Variants in TENM2 observed in about 807,000 individuals in gnomAD.
TENM2 encodes the protein teneurin-2.
TENM2 carries 52 observed loss-of-function variants against 245.2 expected under a neutral mutation model. That is an observed-to-expected ratio of 0.21 (90% CI 0.17 to 0.27). TENM2 has a LOEUF of 0.27. TENM2 is among the 10% of genes least tolerant of loss of function. The probability of loss-of-function intolerance (pLI) is 1.00; values close to 1 mark genes in which losing one functional copy is unlikely to be tolerated. For missense variants in TENM2, 3,046 were observed against 3,666.8 expected, an observed-to-expected ratio of 0.83 and a Z score of 4.37; for synonymous variants, 1,363 against 1,438.9, an observed-to-expected ratio of 0.95 and a Z score of 1.19.
At chr5:167,557,118 C>T (rs1234356822) in intron 2 of TENM2, among the ~76,000 whole-genome samples, 5 of 152,144 alleles carry the variant, frequency 3.3e-5, no homozygotes, top group Non-Finnish European at 5.9e-5. Context: ...TGCGTGTACA[C>T]AGACCATTGG....
intron 2 of TENM2, among the ~76,000 whole-genome samples, chr5:167,678,799 T>A (rs1039384428): frequency 2.0e-5 from 3 of 152,132 alleles, no homozygotes; most frequent in African/African-American, 7.2e-5. Context: ...AAATCCGTAT[T>A]TTCTCTACCT....
chr5:167,915,269 C>T (rs546165452), intron 3 of TENM2, among the ~76,000 whole-genome samples: 4 of 152,106 alleles, frequency 2.6e-5, no homozygotes, highest in African/African-American at 4.8e-5. Flanking sequence ...CACAGCTAGA[C>T]GTGGTATTGT....
rs1582449906 is a variant in TENM2, at chr5:167,582,090, C to T, written c.502+206617C>T. 3.3e-5 allele frequency among the ~76,000 whole-genome samples: 5 copies of T among 152,212 alleles called. No individual in the cohort carries two copies. In the South Asian group the frequency reaches 8.3e-4, roughly 25 times the overall value. On this transcript the variant is annotated intron_variant, in intron 2 of 28. Transcript: ENST00000518659. ...AATCTTGTCCCAACTAAACATAAAT[C>T]TGGCTTTATGGAAAAACCAGGCTAG...
chr5:167,433,960 A>G lies in TENM2; in HGVS notation c.502+58487A>G, dbSNP rs375768333. Among the ~76,000 whole-genome samples, 254 of 152,342 alleles carry G rather than the reference A, an allele frequency of 1.7e-3. 15 individuals are homozygous for G. The South Asian group carries it at 0.051, about 30-fold the overall frequency. On this transcript the variant is annotated intron_variant, in intron 2 of 28. Coordinates refer to ENST00000518659, the Ensembl canonical transcript of TENM2. ...GATGTAACTACAAAATTATCAATGT[A>G]ACATATCTTTGTATTATCTTGTGTT...
At chr5:167,247,774 A>AAATTT in the TENM2 span, among the ~76,000 whole-genome samples, 1 of 152,156 alleles carries the variant, frequency 6.6e-6, no homozygotes, top group Non-Finnish European at 1.5e-5. Context: ...TTTTAATATG[A>AAATTT]AATTTAATTT....
intron 2 of TENM2, among the ~76,000 whole-genome samples, chr5:167,864,836 TAATACC>T (rs1179430884): frequency 6.6e-6 from 1 of 152,172 alleles, no homozygotes; most frequent in Non-Finnish European, 1.5e-5. Flanking sequence ...GGCTTGGAAA[TAATACC>T]TGGTACCTCA....
At chr5:167,383,503 A>T (rs1345939292) in intron 2 of TENM2, among the ~76,000 whole-genome samples, 3 of 152,062 alleles carry the variant, frequency 2.0e-5, no homozygotes, top group African/African-American at 7.2e-5. Flanking sequence ...CTGTCAGATA[A>T]ATATTTGACT....
chr5:168,211,063 C>T (rs1762770149), intron 19 of TENM2, among the ~76,000 whole-genome samples: 2 of 152,100 alleles, frequency 1.3e-5, no homozygotes, highest in South Asian at 2.1e-4. Flanking sequence ...CAATATTGGA[C>T]GTTACCTTTT....
At chr5:168,258,212 T>C (rs1767853182) in intron 27 of TENM2, among the ~76,000 whole-genome samples, 1 of 151,982 alleles carries the variant, frequency 6.6e-6, no homozygotes, top group South Asian at 2.1e-4. Context: ...AGTAAAAAAG[T>C]GGAAACAGGC....
chr5:168,045,876 G>T (rs945262600), intron 5 of TENM2, among the ~76,000 whole-genome samples: 1 of 152,150 alleles, frequency 6.6e-6, no homozygotes, highest in Non-Finnish European at 1.5e-5. Flanking sequence ...ATGGAATCTG[G>T]TCTCTTCAAG....
intron 2 of TENM2, among the ~76,000 whole-genome samples, chr5:167,388,853 T>C (rs573774631): frequency 5.2e-4 from 79 of 152,268 alleles, no homozygotes; most frequent in African/African-American, 1.8e-3. Context: ...TCCACTGTGG[T>C]CTGAAAGAGT....
chr5:168,246,829 G>A lies in TENM2; in HGVS notation c.5890G>A (p.Val1964Ile), dbSNP rs375183566. ...TGACTCCTCTGACCGCCTCCTTGCC[G>A]TCACCATGCCCAGCGTGGCCCGGCA... is the stretch of plus-strand genomic sequence containing the variant. The change falls in exon 27 of 29, where the codon GTC (valine) becomes ATC (isoleucine). Residue 1964 changes from valine (V) to isoleucine (I), a missense_variant. Physicochemically the swap from Val to Ile is conservative, Grantham distance 29. This residue lies in a region of TENM2 where 2,704 missense variants were observed against 3,331.9 expected (regional missense o/e 0.81). Coordinates refer to ENST00000518659, the Ensembl canonical transcript of TENM2. 171 of 1,613,836 alleles carry A rather than the reference G, an allele frequency of 1.1e-4. 2 individuals carry two copies. The highest frequency in any genetic ancestry group is 7.0e-4 in the South Asian group (64 of 91,064).
chr5:167,515,669 G>GTGTATATATACACATATATACGTATATA (rs1770322008), intron 2 of TENM2, among the ~76,000 whole-genome samples: 1 of 78,828 alleles, frequency 1.3e-5, no homozygotes, highest in Non-Finnish European at 2.5e-5. Flanking sequence ...ACGTATATAT[G>GTGTATATATACACATATATACGTATATA]TGTATATATA....
At chr5:167,425,428 G>C (rs1173578491) in intron 2 of TENM2, among the ~76,000 whole-genome samples, 1 of 152,086 alleles carries the variant, frequency 6.6e-6, no homozygotes, top group Admixed American at 6.6e-5. Flanking sequence ...ATGAGTTTGG[G>C]ATAACAAATA....
chr5:167,266,853 A>C, the TENM2 span, among the ~76,000 whole-genome samples: 1 of 152,202 alleles, frequency 6.6e-6, no homozygotes, highest in Non-Finnish European at 1.5e-5. Flanking sequence ...TGAAATGTGA[A>C]TGTGCCATGC....
intron 9 of TENM2, among the ~76,000 whole-genome samples, chr5:168,115,502 A>G (rs1795019126): frequency 6.6e-6 from 1 of 152,122 alleles, no homozygotes; most frequent in Admixed American, 6.5e-5. Context: ...CTTACTTTCT[A>G]CCATCCTCCA....
chr5:167,134,433 TC>T, the TENM2 span, among the ~76,000 whole-genome samples: 1 of 152,224 alleles, frequency 6.6e-6, no homozygotes, highest in African/African-American at 2.4e-5. Context: ...GAATGACTTC[TC>T]TAACTAGGCG....
chr5:167,939,871 T>C (rs1415800410), intron 3 of TENM2, among the ~76,000 whole-genome samples: 1 of 152,170 alleles, frequency 6.6e-6, no homozygotes, highest in Non-Finnish European at 1.5e-5. Context: ...TTTGATACAA[T>C]GGATTTGTGA....
At chr5:168,062,706 A>G (rs1790151391) in intron 7 of TENM2, among the ~76,000 whole-genome samples, 1 of 152,198 alleles carries the variant, frequency 6.6e-6, no homozygotes, top group Non-Finnish European at 1.5e-5. Context: ...GGAATGGAGT[A>G]TTGTTACATG....
Sources: gnomAD v4.1 joint callset for allele counts (sites outside exome capture counted in the v4.1 genomes callset) on GRCh38, gnomAD v4.1.1 for gene constraint, gnomAD v4.1.1 regional missense constraint, MANE v1.5 for transcripts, NCBI Gene and HGNC (gene_info 2026-07-23, HGNC 2026-07-21) for gene names.